The following PUS7 variants were observed in gnomAD, a reference collection of about 807,000 sequenced individuals.
PUS7 encodes the protein pseudouridylate synthase 7 homolog.
A neutral mutation model predicts 79.8 loss-of-function variants in PUS7; 48 were observed. The observed-to-expected ratio is 0.60, with a 90% CI of 0.48 to 0.76. The LOEUF (loss-of-function observed/expected upper bound fraction) is 0.76. Ranked by LOEUF, PUS7 falls within the 30% of genes least tolerant of loss-of-function variation. The probability of loss-of-function intolerance (pLI) is 0.00; values close to 1 mark genes in which losing one functional copy is unlikely to be tolerated. For synonymous variants in PUS7, 286 were observed against 272.2 expected, an observed-to-expected ratio of 1.05 and a Z score of -0.50; for missense variants, 729 against 797.6, an observed-to-expected ratio of 0.91 and a Z score of 1.04.
chr7:105,485,212 T>C (rs1824494750), intron 7 of PUS7, among the ~76,000 whole-genome samples: 1 of 151,962 alleles, frequency 6.6e-6, no homozygotes, highest in Admixed American at 6.6e-5. Flanking sequence ...TTGTTGTTGT[T>C]GTCGTCGTTG....
intron 1 of PUS7, among the ~76,000 whole-genome samples, chr7:105,520,780 G>T (rs1453327876): frequency 1.3e-5 from 2 of 152,050 alleles, no homozygotes; most frequent in East Asian, 3.9e-4. Flanking sequence ...GCTCAAGCCT[G>T]TAATTCCAGC....
rs867320201 is a variant in PUS7 at position 105,508,406 on chromosome 7, G to A, written c.107C>T (p.Ser36Leu). The A allele has an allele frequency of 5.0e-6, 8 of 1,613,914 alleles. No individual in the cohort carries two copies. In the African/African-American group the frequency reaches 8.0e-5, roughly 16 times the overall value. Residue 36 changes from serine to leucine, a missense_variant, in exon 2 of 16, where the codon TCG becomes TTG. Physicochemically the swap from Ser to Leu is moderately radical, Grantham distance 145. Transcript: ENST00000469408. Reference sequence around the variant, plus strand: ...TTGACCTTTGGTTAGACTGCATTCCGACAGCTTCTGTTTTTTTGTCTCTTC... The same window carrying A: ...TTGACCTTTGGTTAGACTGCATTCCAACAGCTTCTGTTTTTTTGTCTCTTC... ...PVEETKKQKL[S>L]ECSLTKGQDG...
At chr7:105,494,708 G>A (rs141722425) in intron 6 of PUS7, among the ~76,000 whole-genome samples, 4 of 152,012 alleles carry the variant, frequency 2.6e-5, no homozygotes, top group African/African-American at 7.2e-5. Context: ...GCGCCAGGCC[G>A]ATCGGCAATT....
intron 12 of PUS7, among the ~76,000 whole-genome samples, chr7:105,466,024 G>A (rs818455): frequency 0.8 from 121,142 of 151,584 alleles, 50,329 homozygotes; most frequent in Non-Finnish European, 0.91. Context: ...TGGGTGTGGT[G>A]GCAAACACCT....
intron 5 of PUS7, among the ~76,000 whole-genome samples, chr7:105,501,454 C>T (rs778269623): frequency 6.6e-6 from 1 of 152,050 alleles, no homozygotes; most frequent in Non-Finnish European, 1.5e-5. Flanking sequence ...ACTTTTGTGG[C>T]TGTAGATAAC....
chr7:105,470,112 C>T (rs1823813681), intron 11 of PUS7, among the ~76,000 whole-genome samples: 1 of 152,202 alleles, frequency 6.6e-6, no homozygotes, highest in Admixed American at 6.5e-5. Flanking sequence ...GAACTGACAA[C>T]TAATTCCATG....
At chr7:105,519,711 A>G (rs1189572760) in intron 1 of PUS7, among the ~76,000 whole-genome samples, 7 of 152,236 alleles carry the variant, frequency 4.6e-5, no homozygotes, top group Non-Finnish European at 8.8e-5. Context: ...ATTTGAGAAT[A>G]TATCTGAGAA....
rs572300263 is a variant in PUS7, at chr7:105,457,783, G to T, written c.*7C>A. The T allele has an allele frequency of 1.4e-5, 23 of 1,613,526 alleles. No homozygotes were observed. In the East Asian group the frequency reaches 2.0e-4, roughly 14 times the overall value. On this transcript the variant is annotated 3_prime_UTR_variant, in exon 16 of 16. Coordinates refer to ENST00000469408, the MANE Select transcript of PUS7 (RefSeq NM_019042.5). ...GTACGTTTTCTAATCTGTGGACAAGGTACTGCTCAGCGAAGCCAGGTTGTA... is the reference window on the plus strand; with the variant it reads ...GTACGTTTTCTAATCTGTGGACAAGTTACTGCTCAGCGAAGCCAGGTTGTA...
At chr7:105,485,247 T>C (rs904860238) in intron 7 of PUS7, among the ~76,000 whole-genome samples, 21 of 152,172 alleles carry the variant, frequency 1.4e-4, no homozygotes, top group Non-Finnish European at 2.9e-5. Context: ...GTTTTGCTCT[T>C]TGCCCAGGCT....
At chr7:105,474,541 C>G (rs756974618) in intron 9 of PUS7, among the ~76,000 whole-genome samples, 3 of 149,996 alleles carry the variant, frequency 2.0e-5, no homozygotes, top group Non-Finnish European at 4.4e-5. Context: ...GGCTGAGGCA[C>G]GCGAATCACA....
intron 5 of PUS7, among the ~76,000 whole-genome samples, chr7:105,502,195 A>G (rs1053987062): frequency 6.6e-6 from 1 of 152,126 alleles, no homozygotes; most frequent in Admixed American, 6.6e-5. Flanking sequence ...ATTTCAGCAA[A>G]TCTTTACTCA....
intron 5 of PUS7, among the ~76,000 whole-genome samples, chr7:105,495,558 T>C (rs1824978003): frequency 1.3e-5 from 2 of 152,010 alleles, no homozygotes; most frequent in Non-Finnish European, 2.9e-5. Context: ...AGTTCAAGAC[T>C]GGCCTGGGCA....
Position 105,482,359 on chromosome 7 carries a change from T to C in PUS7, c.1002A>G (p.Pro334=). The change falls in exon 8 of 16, where the codon CCA becomes CCG. Residue 334 remains proline, a synonymous_variant. Transcript: ENST00000469408. ...KLGNFSYQKN[P]LKLGELQGNH... ...TTCCTTGAAGCTCTCCCAATTTCAGTGGGTTTTTTTGATAGCTGAAATTCC... is the reference window on the plus strand; with the variant it reads ...TTCCTTGAAGCTCTCCCAATTTCAGCGGGTTTTTTTGATAGCTGAAATTCC... 1 of 1,612,622 alleles carries C rather than the reference T, an allele frequency of 6.2e-7. No homozygotes were observed. The highest frequency in any genetic ancestry group is 8.5e-7 in the Non-Finnish European group (1 of 1,179,178).
chr7:105,479,382 C>G (rs1367123089), intron 9 of PUS7, among the ~76,000 whole-genome samples: 1 of 152,166 alleles, frequency 6.6e-6, no homozygotes, highest in African/African-American at 2.4e-5. Flanking sequence ...AAACTAAAGC[C>G]AAGCAATTGA....
At chr7:105,458,011 A>G in intron 15 of PUS7, 85 bp from the exon 16 acceptor site, 1 of 1,485,784 alleles carries the variant, frequency 6.7e-7, no homozygotes, top group East Asian at 2.3e-5. Flanking sequence ...AAGCAAATAC[A>G]AAGAACTGTG....
rs1334827482 is a variant in PUS7 at position 105,463,179 on chromosome 7, G to A, written c.1628-429C>T. On this transcript the variant is annotated intron_variant, in intron 13 of 15. Transcript: ENST00000469408. ...CCTTGGAAAACCATCTGGCTCACCC[G>A]CGCACCTGATGTAGAGTCTTTTTTA... Among the ~76,000 whole-genome samples, 4 of 152,276 alleles carry A rather than the reference G, an allele frequency of 2.6e-5. No homozygotes were observed. The South Asian group carries it at 6.2e-4, about 24-fold the overall frequency.
intron 7 of PUS7, among the ~76,000 whole-genome samples, chr7:105,490,238 CAAGTTTTGACATGTGTATAAGCCCATGAA>C (rs1824727702): frequency 6.6e-6 from 1 of 151,756 alleles, no homozygotes; most frequent in Non-Finnish European, 1.5e-5. Context: ...TTAAAATGTA[CAAGTTTTGACATGTGTATAAGCCCATGAA>C]ACCATTACCA....
intron 7 of PUS7, among the ~76,000 whole-genome samples, chr7:105,486,055 T>C (rs1478866983): frequency 2.3e-4 from 34 of 150,610 alleles, no homozygotes; most frequent in Non-Finnish European, 4.3e-4. Context: ...TTTTGTTTTG[T>C]TTTGTTTTTG....
At chr7:105,494,300 CA>C (rs1457917848) in intron 6 of PUS7, among the ~76,000 whole-genome samples, 1 of 150,614 alleles carries the variant, frequency 6.6e-6, no homozygotes, top group African/African-American at 2.4e-5. Context: ...ATGTGGGGGT[CA>C]AAAAAATTAA....
Sources: gnomAD v4.1 joint callset for allele counts (sites outside exome capture counted in the v4.1 genomes callset) on GRCh38, gnomAD v4.1.1 for gene constraint, MANE v1.5 for transcripts, NCBI Gene and HGNC (gene_info 2026-07-23, HGNC 2026-07-21) for gene names.